Variants in RNF180 observed in about 807,000 individuals in gnomAD.
RNF180 encodes ring finger protein 180.
In RNF180, 38 loss-of-function variants were observed where a neutral mutation model predicts 59.2. The observed-to-expected ratio is 0.64, with a 90% CI of 0.50 to 0.84. The LOEUF (loss-of-function observed/expected upper bound fraction) is 0.84, where lower values mean the gene tolerates loss of function less well. Among genes scored for constraint, RNF180 ranks in the 40% least tolerant of loss-of-function variants. The pLI, the probability that RNF180 is intolerant of heterozygous loss-of-function variation, is 0.00. For missense variants in RNF180, 705 were observed against 700.9 expected (o/e 1.01, Z -0.07); for synonymous variants, 262 against 240.3 (o/e 1.09, Z -0.84).
chr5:64,306,736 A>G (rs1439655993), intron 5 of RNF180, among the ~76,000 whole-genome samples: 1 of 151,282 alleles, frequency 6.6e-6, no homozygotes, highest in East Asian at 2.0e-4. Flanking sequence ...AAAAAACCAA[A>G]CACCACATAT....
At chr5:64,167,971 CAG>C (rs1304944776) in intron 1 of RNF180, among the ~76,000 whole-genome samples, 1 of 152,120 alleles carries the variant, frequency 6.6e-6, no homozygotes, top group Non-Finnish European at 1.5e-5. Context: ...AATGTGATTG[CAG>C]AGTCTTGAAA....
At chr5:64,330,784 G>A (rs1744870801) in intron 7 of RNF180, among the ~76,000 whole-genome samples, 1 of 152,220 alleles carries the variant, frequency 6.6e-6, no homozygotes. Flanking sequence ...CACAAGCCAG[G>A]GCTGCACATT....
At chr5:64,241,051 TA>T (rs1404223235) in intron 5 of RNF180, among the ~76,000 whole-genome samples, 1 of 152,240 alleles carries the variant, frequency 6.6e-6, no homozygotes, top group Non-Finnish European at 1.5e-5. Context: ...TTTTATTAAG[TA>T]TATATAAATG....
chr5:64,276,270 T>G (rs923645700), intron 5 of RNF180, among the ~76,000 whole-genome samples: 2 of 151,366 alleles, frequency 1.3e-5, no homozygotes, highest in African/African-American at 4.9e-5. Flanking sequence ...TCTGCCTGAA[T>G]GGAGAGGAAG....
At position 64,262,417 on chromosome 5, in the gene RNF180, G is replaced by A. The variant is rs144463937; in HGVS notation, c.1227+45021G>A. Among the ~76,000 whole-genome samples, 63 of 152,138 alleles carry A rather than the reference G, an allele frequency of 4.1e-4. No homozygotes were observed. In the East Asian group the frequency reaches 8.5e-3, roughly 21 times the overall value. Reference sequence around the variant, plus strand: ...TACCAACTTGTACATTGCTCATTTCGTATTTCAAAATCGGACAGCCTTAGC... The same window carrying A: ...TACCAACTTGTACATTGCTCATTTCATATTTCAAAATCGGACAGCCTTAGC... On this transcript the variant is annotated intron_variant, in intron 5 of 7. Transcript: ENST00000389100.
intron 5 of RNF180, among the ~76,000 whole-genome samples, chr5:64,254,639 C>CT (rs779728750): frequency 1.2e-4 from 18 of 152,076 alleles, no homozygotes; most frequent in Non-Finnish European, 1.8e-4. Flanking sequence ...GGGACAGTCT[C>CT]TTAAGATTAT....
intron 5 of RNF180, among the ~76,000 whole-genome samples, chr5:64,257,455 G>A (rs1744043765): frequency 6.6e-6 from 1 of 152,194 alleles, no homozygotes; most frequent in Non-Finnish European, 1.5e-5. Context: ...CATCTGTTGA[G>A]ATAATCATGT....
intron 3 of RNF180, 130 bp from the exon 4 acceptor site, chr5:64,213,428 C>A: frequency 2.6e-6 from 2 of 761,994 alleles, no homozygotes; most frequent in South Asian, 1.9e-5. Context: ...GTCTACTAAT[C>A]AGAAAACAGA....
At chr5:64,238,031 G>C (rs978625807) in intron 5 of RNF180, among the ~76,000 whole-genome samples, 6 of 152,178 alleles carry the variant, frequency 3.9e-5, no homozygotes, top group Admixed American at 2.0e-4. Flanking sequence ...TGTGAGAACA[G>C]ACTAATACAG....
intron 1 of RNF180, among the ~76,000 whole-genome samples, chr5:64,188,267 A>G (rs1750967407): frequency 6.6e-6 from 1 of 152,062 alleles, no homozygotes; most frequent in Non-Finnish European, 1.5e-5. Flanking sequence ...AGGACATGCT[A>G]TTTCTTTATA....
chr5:64,256,051 G>GT (rs922826335), intron 5 of RNF180, among the ~76,000 whole-genome samples: 3 of 151,914 alleles, frequency 2.0e-5, no homozygotes, highest in Admixed American at 1.3e-4. Context: ...GGGGTTGTTT[G>GT]TTTTTTTCTT....
intron 7 of RNF180, among the ~76,000 whole-genome samples, chr5:64,349,199 A>G (rs1446508804): frequency 6.6e-6 from 1 of 152,100 alleles, no homozygotes; most frequent in African/African-American, 2.4e-5. Flanking sequence ...ATATTTCCAA[A>G]TGTCTGTCAC....
At chr5:64,233,342 T>G (rs1742209198) in intron 5 of RNF180, among the ~76,000 whole-genome samples, 1 of 152,186 alleles carries the variant, frequency 6.6e-6, no homozygotes, top group Admixed American at 6.5e-5. Flanking sequence ...CTGTCTAGAA[T>G]GCATTGGCAG....
chr5:64,288,446 G>C (rs1040795266), intron 5 of RNF180, among the ~76,000 whole-genome samples: 4 of 152,192 alleles, frequency 2.6e-5, no homozygotes, highest in Admixed American at 2.6e-4. Flanking sequence ...GAATGCCACT[G>C]ATAAGTGGGA....
chr5:64,167,482 A>G (rs547498706), intron 1 of RNF180, among the ~76,000 whole-genome samples: 3 of 152,296 alleles, frequency 2.0e-5, no homozygotes, highest in East Asian at 3.9e-4. Flanking sequence ...TCAAAAAATA[A>G]TATTGAAAAA....
At chr5:64,178,589 A>G (rs1750388881) in intron 1 of RNF180, among the ~76,000 whole-genome samples, 1 of 152,206 alleles carries the variant, frequency 6.6e-6, no homozygotes. Flanking sequence ...TTCAGTTACT[A>G]ACATCCAAGA....
intron 5 of RNF180, among the ~76,000 whole-genome samples, chr5:64,310,715 A>C (rs1210678096): frequency 2.0e-5 from 3 of 151,878 alleles, no homozygotes; most frequent in Non-Finnish European, 4.4e-5. Context: ...TCCATCTTCT[A>C]GCTCTATCAT....
At chr5:64,177,498 A>G (rs1750300801) in intron 1 of RNF180, among the ~76,000 whole-genome samples, 1 of 136,108 alleles carries the variant, frequency 7.3e-6, no homozygotes. Context: ...TTCTCTATCT[A>G]GATTTTTTTC....
At chr5:64,199,833 A>G (rs567015039) in intron 1 of RNF180, among the ~76,000 whole-genome samples, 3 of 152,294 alleles carry the variant, frequency 2.0e-5, no homozygotes, top group African/African-American at 7.2e-5. Context: ...ATTATCCCAA[A>G]TTGGCTTAAA....
Sources: allele counts gnomAD v4.1 joint callset (sites outside exome capture counted in the v4.1 genomes callset), GRCh38; gene constraint gnomAD v4.1.1; transcripts MANE v1.5; gene names NCBI Gene and HGNC (gene_info 2026-07-23, HGNC 2026-07-21).